ADGRG2: variants seen among roughly 807,000 people sequenced by gnomAD.
ADGRG2 encodes adhesion G protein-coupled receptor G2.
Under a neutral mutation model 74.1 loss-of-function variants are expected in ADGRG2, and 26 were observed. The ratio of observed to expected loss-of-function variants is 0.35; its 90% confidence interval spans 0.26 to 0.49. The LOEUF is 0.49. Among genes scored for constraint, ADGRG2 ranks in the 20% least tolerant of loss-of-function variants. The pLI is 0.99. For missense variants in ADGRG2, 619 were observed against 763.1 expected, an observed-to-expected ratio of 0.81 and a Z score of 2.22; for synonymous variants, 296 against 295.2, an observed-to-expected ratio of 1.00 and a Z score of -0.03.
intron 1 of ADGRG2, among the ~76,000 whole-genome samples, chrX:19,108,482 C>T (rs1315723809): frequency 8.9e-6 from 1 of 111,910 alleles, no homozygotes; most frequent in Non-Finnish European, 1.9e-5. Context: ...AGAGAATCAC[C>T]CACAGCACCA....
Position 18,990,711 on chromosome X carries a change from GTAA to G in ADGRG2, c.*150_*152del, listed in dbSNP as rs1460693451. On this transcript the variant is annotated 3_prime_UTR_variant, in exon 29 of 29. Transcript: ENST00000379869. ...TGGTGTAATGTCTTGGTTTCTTCTT[GTAA>G]TAATAATCATCGCCCTTAATTAGCT... is the stretch of plus-strand genomic sequence containing the variant. 2.6e-6 allele frequency: 1 copy of G among 381,003 alleles called. No homozygotes were observed. Among genetic ancestry groups the G allele is most frequent in the Non-Finnish European group, 4.5e-6 (1 of 224,061 alleles). 31.4% of individuals were successfully genotyped at this position (381,003 alleles called of 1,213,427 possible). A position where few individuals can be genotyped will look rare whatever the true frequency, so the allele number is the denominator to read the frequency against.
intron 1 of ADGRG2, among the ~76,000 whole-genome samples, chrX:19,121,316 C>A (rs1371530560): frequency 1.8e-5 from 2 of 111,773 alleles, no homozygotes; most frequent in Non-Finnish European, 3.8e-5. Flanking sequence ...CTATTGTTCT[C>A]TCCCCGTGGA....
At chrX:19,107,493 C>T (rs1341198616) in intron 1 of ADGRG2, among the ~76,000 whole-genome samples, 1 of 111,847 alleles carries the variant, frequency 8.9e-6, no homozygotes, top group Non-Finnish European at 1.9e-5. Flanking sequence ...TTCTTTCTTC[C>T]TTTCTTTGTC....
At chrX:19,018,987 C>T (rs1411516827) in intron 15 of ADGRG2, among the ~76,000 whole-genome samples, 3 of 111,197 alleles carry the variant, frequency 2.7e-5, no homozygotes, top group East Asian at 2.8e-4. Flanking sequence ...GGACTACAGG[C>T]GCCCGCCACC....
At chrX:19,045,960 C>T (rs2061178519) in intron 3 of ADGRG2, among the ~76,000 whole-genome samples, 1 of 112,306 alleles carries the variant, frequency 8.9e-6, no homozygotes, top group African/African-American at 3.2e-5. Flanking sequence ...TCATAGCTCA[C>T]TGCAGCCTCC....
chrX:19,004,124 C>T (rs188550423), intron 23 of ADGRG2, among the ~76,000 whole-genome samples: 16 of 111,911 alleles, frequency 1.4e-4, no homozygotes. Context: ...AATCCAAGAA[C>T]CTACATATTG....
intron 1 of ADGRG2, among the ~76,000 whole-genome samples, chrX:19,093,328 T>C (rs1332000023): frequency 1.8e-5 from 2 of 111,926 alleles, no homozygotes; most frequent in Admixed American, 1.9e-4. Context: ...GATCCCACAG[T>C]CTGCAGGAAG....
intron 11 of ADGRG2, among the ~76,000 whole-genome samples, 187 bp downstream of exon 11, chrX:19,027,032 A>G (rs2060719747): frequency 8.9e-6 from 1 of 112,139 alleles, no homozygotes; most frequent in Non-Finnish European, 1.9e-5. Context: ...CAGCGCATCA[A>G]AGAGCCTCAT....
intron 3 of ADGRG2, among the ~76,000 whole-genome samples, chrX:19,050,045 C>G (rs373631372): frequency 1.8e-5 from 2 of 111,410 alleles, no homozygotes; most frequent in East Asian, 5.6e-4. Context: ...CACTTGGCAT[C>G]TTAGTTTAGG....
chrX:19,019,682 GA>G lies in ADGRG2; in HGVS notation c.644-18del. On this transcript the variant is annotated intron_variant, in intron 14 of 28. Transcript: ENST00000379869. ...AGCAGTGTTCTAGGAGAGACAAAAG[GA>G]AAAGGAGTAAGAAAAATGCACGGTC... 4.8e-6 allele frequency: 5 copies of G among 1,038,255 alleles called. No homozygotes were observed. Among genetic ancestry groups the G allele is most frequent in the African/African-American group, 1.9e-5 (1 of 54,041 alleles). The allele number at this position is 1,038,255 out of a possible 1,213,427, so 85.6% of individuals were successfully genotyped here.
chrX:19,084,374 C>G (rs1418084314), intron 1 of ADGRG2, among the ~76,000 whole-genome samples: 1 of 110,691 alleles, frequency 9.0e-6, no homozygotes, highest in African/African-American at 3.3e-5. Flanking sequence ...GGCTTAATAC[C>G]TAGGTGATGG....
intron 13 of ADGRG2, among the ~76,000 whole-genome samples, chrX:19,022,968 A>G (rs1450061417): frequency 8.9e-6 from 1 of 112,503 alleles, no homozygotes; most frequent in Admixed American, 9.4e-5. Context: ...AAGTGTTGGG[A>G]TTACAGGCGT....
chrX:19,090,240 G>A (rs189364236), intron 1 of ADGRG2, among the ~76,000 whole-genome samples: 1 of 111,861 alleles, frequency 8.9e-6, no homozygotes, highest in African/African-American at 3.2e-5. Context: ...TGTTTCTGGG[G>A]ACACTGGGCA....
intron 15 of ADGRG2, 45 bp downstream of exon 15, chrX:19,019,554 T>TC (rs2060542701): frequency 1.4e-6 from 1 of 720,887 alleles, no homozygotes; most frequent in East Asian, 3.2e-5. Flanking sequence ...GGTGATTTTT[T>TC]TTTTTTTTTT....
chrX:19,035,882 A>G, intron 7 of ADGRG2, 60 bp downstream of exon 7: 1 of 620,548 alleles, frequency 1.6e-6, no homozygotes, highest in South Asian at 2.8e-5. Flanking sequence ...AGACTGCACA[A>G]GCAAGACACT....
At chrX:19,013,438 C>G (rs1397229755) in intron 16 of ADGRG2, among the ~76,000 whole-genome samples, 2 of 111,813 alleles carry the variant, frequency 1.8e-5, no homozygotes, top group African/African-American at 3.3e-5. Context: ...ATACCGATAC[C>G]TGGGAGCTAA....
intron 24 of ADGRG2, among the ~76,000 whole-genome samples, chrX:19,002,316 G>A (rs2060146320): frequency 9.0e-6 from 1 of 111,513 alleles, no homozygotes; most frequent in Non-Finnish European, 1.9e-5. Context: ...CTTGCGACCT[G>A]CCACCAATAG....
At chrX:19,085,901 C>A (rs776553122) in intron 1 of ADGRG2, among the ~76,000 whole-genome samples, 6 of 111,577 alleles carry the variant, frequency 5.4e-5, no homozygotes, top group Non-Finnish European at 9.4e-5. Context: ...GTCATCTCCC[C>A]TTCGCCTGCT....
intron 20 of ADGRG2, among the ~76,000 whole-genome samples, chrX:19,006,934 T>C (rs1401760011): frequency 9.2e-6 from 1 of 108,923 alleles, no homozygotes; most frequent in Non-Finnish European, 1.9e-5. Context: ...TTTTTGTATC[T>C]TTTGCAAAGA....
Sources: gnomAD v4.1 joint callset for allele counts (sites outside exome capture counted in the v4.1 genomes callset) on GRCh38, gnomAD v4.1.1 for gene constraint, MANE v1.5 for transcripts, NCBI Gene and HGNC (gene_info 2026-07-23, HGNC 2026-07-21) for gene names.